The following CDC42SE2 variants were observed in gnomAD, a reference collection of about 807,000 sequenced individuals.
CDC42SE2 encodes CDC42 small effector 2, also known as CDC42 small effector protein 2.
CDC42SE2 carries 3 observed loss-of-function variants against 11.5 expected under a neutral mutation model. The observed-to-expected ratio is 0.26, with a 90% CI of 0.12 to 0.67. The LOEUF is 0.67. Among genes scored for constraint, CDC42SE2 ranks in the 30% least tolerant of loss-of-function variants. The pLI is 0.80. For missense variants in CDC42SE2, 82 were observed against 106.8 expected, an observed-to-expected ratio of 0.77 and a Z score of 1.02; for synonymous variants, 33 against 34.8, an observed-to-expected ratio of 0.95 and a Z score of 0.18.
At chr5:131,294,773 C>G (rs896280382) in intron 1 of CDC42SE2, among the ~76,000 whole-genome samples, 1 of 152,086 alleles carries the variant, frequency 6.6e-6, no homozygotes, top group Admixed American at 6.6e-5. Flanking sequence ...GGGCAGATCA[C>G]TTGAGGTCAG....
intron 2 of CDC42SE2, among the ~76,000 whole-genome samples, chr5:131,258,116 T>C (rs775481279): frequency 1.3e-5 from 2 of 152,302 alleles, no homozygotes; most frequent in Non-Finnish European, 2.9e-5. Context: ...TCAAGATCCA[T>C]TGTGGTTCTT....
chr5:131,356,053 A>G lies in CDC42SE2; in HGVS notation c.-285-3156A>G, dbSNP rs539374730. Reference sequence around the variant, plus strand: ...ATAAGCTATTTAATGACCAAGTTCCATGATGTTCTCTTTAAAAGTCCCTTC... The same window carrying G: ...ATAAGCTATTTAATGACCAAGTTCCGTGATGTTCTCTTTAAAAGTCCCTTC... On this transcript the variant is annotated intron_variant, in intron 2 of 4. Transcript: ENST00000505065. 9.2e-5 allele frequency among the ~76,000 whole-genome samples: 14 copies of G among 152,320 alleles called. No homozygotes were observed. In the East Asian group the frequency reaches 2.3e-3, roughly 25 times the overall value.
intron 2 of CDC42SE2, among the ~76,000 whole-genome samples, chr5:131,257,517 A>C (rs1175976403): frequency 6.7e-6 from 1 of 148,204 alleles, no homozygotes; most frequent in African/African-American, 2.5e-5. Flanking sequence ...TTGCTCTGTC[A>C]CCCAGGCTGG....
At chr5:131,230,142 G>A in the CDC42SE2 span, among the ~76,000 whole-genome samples, 1 of 147,088 alleles carries the variant, frequency 6.8e-6, no homozygotes, top group South Asian at 2.1e-4. Flanking sequence ...CATCCTACTT[G>A]TTCTAATGAC....
chr5:131,304,336 C>T (rs185721876), intron 1 of CDC42SE2, among the ~76,000 whole-genome samples: 5 of 152,004 alleles, frequency 3.3e-5, no homozygotes, highest in Non-Finnish European at 2.9e-5. Flanking sequence ...CATTTTTCTC[C>T]GTCTCTTCAG....
At chr5:131,264,958 T>A (rs1756825819) in intron 1 of CDC42SE2, among the ~76,000 whole-genome samples, 1 of 152,210 alleles carries the variant, frequency 6.6e-6, no homozygotes, top group East Asian at 1.9e-4. Context: ...TTACAAAATC[T>A]AAATGTTTCG....
chr5:131,247,719 G>A (rs1756608184), intron 1 of CDC42SE2, among the ~76,000 whole-genome samples: 1 of 152,098 alleles, frequency 6.6e-6, no homozygotes, highest in East Asian at 1.9e-4. Flanking sequence ...ATAGCTCATT[G>A]TAACCTGGAA....
chr5:131,330,192 G>A (rs979309568), intron 2 of CDC42SE2, among the ~76,000 whole-genome samples: 7 of 152,110 alleles, frequency 4.6e-5, no homozygotes, highest in Non-Finnish European at 1.0e-4. Flanking sequence ...CTATGTCTGC[G>A]CCATGGTCTT....
intron 1 of CDC42SE2, among the ~76,000 whole-genome samples, chr5:131,288,514 A>G (rs567994744): frequency 6.6e-6 from 1 of 151,750 alleles, no homozygotes; most frequent in South Asian, 2.1e-4. Context: ...CTTTTTTTTT[A>G]GAGAGAGCCT....
chr5:131,281,043 A>G (rs1055214776), intron 1 of CDC42SE2, among the ~76,000 whole-genome samples: 7 of 152,172 alleles, frequency 4.6e-5, no homozygotes, highest in Non-Finnish European at 1.0e-4. Context: ...AAATTTGTCA[A>G]GTGGTTGTTT....
intron 2 of CDC42SE2, among the ~76,000 whole-genome samples, chr5:131,337,746 G>T (rs180783788): frequency 3.9e-5 from 6 of 152,214 alleles, no homozygotes; most frequent in East Asian, 1.9e-4. Context: ...GCGAGGCTCC[G>T]TGAGGGTAGG....
At chr5:131,236,401 G>A in the CDC42SE2 span, among the ~76,000 whole-genome samples, 1 of 152,014 alleles carries the variant, frequency 6.6e-6, no homozygotes, top group Non-Finnish European at 1.5e-5. Flanking sequence ...TGGGGTTTGA[G>A]GTAGATAGAG....
At chr5:131,383,321 T>C (rs185365606) in intron 3 of CDC42SE2, among the ~76,000 whole-genome samples, 11 of 152,336 alleles carry the variant, frequency 7.2e-5, no homozygotes, top group Admixed American at 4.6e-4. Flanking sequence ...GACAAAAGCC[T>C]CTTTTGACTT....
At chr5:131,258,734 C>G (rs1157146167) in intron 2 of CDC42SE2, among the ~76,000 whole-genome samples, 2 of 152,194 alleles carry the variant, frequency 1.3e-5, no homozygotes, top group Admixed American at 6.5e-5. Context: ...CAGAGACCCA[C>G]CTCGAATTCC....
At chr5:131,252,082 AAGG>A (rs970291208) in intron 1 of CDC42SE2, among the ~76,000 whole-genome samples, 1 of 150,556 alleles carries the variant, frequency 6.6e-6, no homozygotes, top group African/African-American at 2.4e-5. Flanking sequence ...GGAAGGAAGG[AAGG>A]AAGGAAGGAA....
rs73786638 is a variant in CDC42SE2, at chr5:131,303,196, T to C, written c.-454-12780T>C. Among the ~76,000 whole-genome samples, 1,480 of 152,338 alleles carry C rather than the reference T, an allele frequency of 9.7e-3. 25 individuals are homozygous for C. The highest frequency in any genetic ancestry group is 0.034 in the African/African-American group (1,397 of 41,564). On this transcript the variant is annotated intron_variant, in intron 1 of 4. Coordinates refer to ENST00000505065, the MANE Select transcript of CDC42SE2 (RefSeq NM_001375635.1). Reference sequence around the variant, plus strand: ...TAATTAAGTGATTTTAAGTCAAGTTTCTTTACCTTTCTGGGCCTGTAAAGT... The same window carrying C: ...TAATTAAGTGATTTTAAGTCAAGTTCCTTTACCTTTCTGGGCCTGTAAAGT...
chr5:131,256,016 C>T (rs895321406), intron 2 of CDC42SE2, among the ~76,000 whole-genome samples: 3 of 152,192 alleles, frequency 2.0e-5, no homozygotes, highest in African/African-American at 7.2e-5. Flanking sequence ...ATCCGCCTGA[C>T]ACTAGAGACC....
At chr5:131,345,378 T>A (rs947388001) in intron 2 of CDC42SE2, among the ~76,000 whole-genome samples, 4 of 152,090 alleles carry the variant, frequency 2.6e-5, no homozygotes, top group Non-Finnish European at 5.9e-5. Context: ...AGTAGCTGAT[T>A]TTATCAAGTA....
At chr5:131,347,581 C>T (rs1341352444) in intron 2 of CDC42SE2, among the ~76,000 whole-genome samples, 3 of 152,166 alleles carry the variant, frequency 2.0e-5, no homozygotes, top group African/African-American at 7.2e-5. Flanking sequence ...CAAAGAGGAG[C>T]TGGTACCATT....
Sources: allele counts gnomAD v4.1 joint callset (sites outside exome capture counted in the v4.1 genomes callset), GRCh38; gene constraint gnomAD v4.1.1; transcripts MANE v1.5; gene names NCBI Gene and HGNC (gene_info 2026-07-23, HGNC 2026-07-21).